Variants in MTMR2 observed in about 807,000 individuals in gnomAD.
MTMR2 encodes the protein phosphatidylinositol-3,5-bisphosphate 3-phosphatase MTMR2.
In MTMR2, 55 loss-of-function variants were observed where a neutral mutation model predicts 86.9. The observed-to-expected ratio is 0.63, with a 90% CI of 0.51 to 0.79. The LOEUF (loss-of-function observed/expected upper bound fraction) is 0.79. MTMR2 is among the 30% of genes least tolerant of loss of function. The probability of loss-of-function intolerance (pLI) is 0.00; values close to 1 mark genes in which losing one functional copy is unlikely to be tolerated. For synonymous variants in MTMR2, 241 were observed against 266.8 expected, an observed-to-expected ratio of 0.90 and a Z score of 0.94; for missense variants, 659 against 772.3, an observed-to-expected ratio of 0.85 and a Z score of 1.74.
intron 12 of MTMR2, 63 bp from the exon 13 acceptor site, chr11:95,838,270 A>G: frequency 1.1e-6 from 1 of 881,794 alleles, no homozygotes. Flanking sequence ...CATCCCTGTC[A>G]TGGGTAGATC....
In MTMR2 at chr11:95,886,829, G is replaced by T. The variant is rs199537490; in HGVS notation, c.186+1327C>A. ...CTTAGTGGATTTTTATTAATGTAAT[G>T]AATAAGCAAACATTAGATACATACA... is the stretch of plus-strand genomic sequence containing the variant. On this transcript the variant is annotated intron_variant, in intron 2 of 14. Transcript: ENST00000346299. Among the ~76,000 whole-genome samples the T allele has an allele frequency of 2.4e-4, 37 of 152,122 alleles. No homozygotes were observed. In the East Asian group the frequency reaches 6.9e-3, roughly 29 times the overall value.
At chr11:95,879,508 G>A (rs756087309) in intron 2 of MTMR2, among the ~76,000 whole-genome samples, 12 of 152,126 alleles carry the variant, frequency 7.9e-5, no homozygotes, top group South Asian at 2.1e-4. Flanking sequence ...ATGTCCTTTA[G>A]CAACTTTTAC....
At chr11:95,859,616 C>G (rs1328937699) in intron 5 of MTMR2, among the ~76,000 whole-genome samples, 1 of 152,158 alleles carries the variant, frequency 6.6e-6, no homozygotes, top group Non-Finnish European at 1.5e-5. Context: ...TGAATTGTTA[C>G]AAGTTCAAGG....
At chr11:95,910,114 C>CAT (rs10667321) in intron 1 of MTMR2, among the ~76,000 whole-genome samples, 1 of 141,588 alleles carries the variant, frequency 7.1e-6, no homozygotes, top group Admixed American at 7.1e-5. Context: ...CACACACACA[C>CAT]GCACGCATGC....
At chr11:95,910,098 A>AACAC (rs137969295) in intron 1 of MTMR2, among the ~76,000 whole-genome samples, 86 of 148,772 alleles carry the variant, frequency 5.8e-4, no homozygotes, top group Non-Finnish European at 9.6e-4. Context: ...TTTAAATATA[A>AACAC]ACACACACAC....
At chr11:95,904,982 T>C (rs1235521703) in intron 1 of MTMR2, among the ~76,000 whole-genome samples, 1 of 152,134 alleles carries the variant, frequency 6.6e-6, no homozygotes, top group Admixed American at 6.5e-5. Context: ...TCATCAATAA[T>C]CTCCACTTTG....
intron 10 of MTMR2, among the ~76,000 whole-genome samples, chr11:95,845,514 T>C (rs1331707599): frequency 3.3e-5 from 5 of 152,286 alleles, no homozygotes; most frequent in Admixed American, 6.5e-5. Flanking sequence ...ATAATTGATA[T>C]AGCAATTGAA....
Position 95,862,302 on chromosome 11 carries a change from A to C in MTMR2, c.327T>G (p.Asn109Lys), listed in dbSNP as rs1322357085. 1 of 1,613,940 alleles carries C rather than the reference A, an allele frequency of 6.2e-7. No homozygotes were observed. ...GAVRGTLTVT[N>K]YRLYFKSMER... ...CCATGCTTTTGAAATATAACCTATA[A>C]TTCGTGACAGTCAGAGTTCCTCGTA... Residue 109 changes from asparagine to lysine, a missense_variant, in exon 4 of 15, where the codon AAT becomes AAG. Asn to Lys is a moderately conservative substitution (Grantham distance 94). This residue lies in a region of MTMR2 where 387 missense variants were observed against 526.3 expected (regional missense o/e 0.74). Coordinates refer to ENST00000346299, the MANE Select transcript of MTMR2 (RefSeq NM_016156.6).
intron 1 of MTMR2, among the ~76,000 whole-genome samples, chr11:95,923,178 G>T (rs568491495): frequency 1.2e-4 from 19 of 152,130 alleles, no homozygotes; most frequent in Non-Finnish European, 2.4e-4. Flanking sequence ...CAAGAGAAAT[G>T]ACAACGTGGA....
At chr11:95,875,859 G>A (rs1865089993) in intron 2 of MTMR2, among the ~76,000 whole-genome samples, 1 of 152,196 alleles carries the variant, frequency 6.6e-6, no homozygotes, top group Non-Finnish European at 1.5e-5. Flanking sequence ...GTTTGCTGGA[G>A]GTCCACTCTA....
chr11:95,880,328 CTAGA>C (rs1158738230), intron 2 of MTMR2, among the ~76,000 whole-genome samples: 4 of 151,980 alleles, frequency 2.6e-5, no homozygotes, highest in Admixed American at 2.0e-4. Context: ...ATTTACTTAG[CTAGA>C]TAGATACCAT....
chr11:95,852,918 C>A (rs1381471403), intron 7 of MTMR2, among the ~76,000 whole-genome samples: 1 of 151,724 alleles, frequency 6.6e-6, no homozygotes, highest in African/African-American at 2.4e-5. Context: ...GCCTGTAAGC[C>A]CAGCTACTTG....
rs1246003257 is a variant in MTMR2, at chr11:95,845,039, T to C, written c.1300A>G (p.Met434Val). The C allele has an allele frequency of 1.9e-6, 3 of 1,613,606 alleles. No homozygotes were observed. The highest frequency in any genetic ancestry group is 2.5e-6 in the Non-Finnish European group (3 of 1,179,640). The change falls in exon 11 of 15, where the codon ATG becomes GTG. Residue 434 changes from methionine (M) to valine (V), a missense_variant. By Grantham distance (21) the Met-to-Val change is conservative. This residue lies in a region of MTMR2 where 387 missense variants were observed against 526.3 expected (regional missense o/e 0.74). Transcript: ENST00000346299. ...ATGGTTCGATAGTATCCATCCAACA[T>C]GAGCATGGCAAGGGAAGTGAGCTGA... ...TAQLTSLAML[M>V]LDGYYRTIRG...
intron 1 of MTMR2, among the ~76,000 whole-genome samples, chr11:95,902,847 AC>A (rs1451941407): frequency 6.6e-6 from 1 of 151,940 alleles, no homozygotes; most frequent in Non-Finnish European, 1.5e-5. Flanking sequence ...AGATTCTTCT[AC>A]CTCTCTGTCT....
At chr11:95,840,290 TTTGATGGCGA>T (rs989923169) in intron 12 of MTMR2, among the ~76,000 whole-genome samples, 2 of 152,170 alleles carry the variant, frequency 1.3e-5, no homozygotes, top group Non-Finnish European at 2.9e-5. Flanking sequence ...TTCCTACTCC[TTTGATGGCGA>T]ATTTTATTTC....
At chr11:95,885,878 T>C (rs554269113) in intron 2 of MTMR2, among the ~76,000 whole-genome samples, 3 of 152,266 alleles carry the variant, frequency 2.0e-5, no homozygotes, top group African/African-American at 7.2e-5. Flanking sequence ...GTCATGTTGA[T>C]AGTAAGTACT....
At chr11:95,862,146 C>G in intron 4 of MTMR2, 44 bp from the exon 5 acceptor site, 1 of 1,543,454 alleles carries the variant, frequency 6.5e-7, no homozygotes, top group South Asian at 1.1e-5. Context: ...GCAATTAATA[C>G]TGTCCAATTA....
intron 9 of MTMR2, among the ~76,000 whole-genome samples, chr11:95,849,283 G>C (rs481630): frequency 0.28 from 42,043 of 151,900 alleles, 7,037 homozygotes; most frequent in Non-Finnish European, 0.38. Flanking sequence ...GAGAACACTA[G>C]TTCGCTATTC....
intron 7 of MTMR2, among the ~76,000 whole-genome samples, chr11:95,854,450 G>C (rs1051751145): frequency 4.6e-5 from 7 of 152,122 alleles, no homozygotes; most frequent in Non-Finnish European, 1.0e-4. Context: ...TTCTGCAGAA[G>C]ACCGTGCTCG....
Sources: gnomAD v4.1 joint callset for allele counts (sites outside exome capture counted in the v4.1 genomes callset) on GRCh38, gnomAD v4.1.1 for gene constraint, gnomAD v4.1.1 regional missense constraint, MANE v1.5 for transcripts, NCBI Gene and HGNC (gene_info 2026-07-23, HGNC 2026-07-21) for gene names.